Variants in MCTP1 observed in about 807,000 individuals in gnomAD.
MCTP1 encodes multiple C2 and transmembrane domain containing 1, also known as multiple C2 and transmembrane domain-containing protein 1.
A neutral mutation model predicts 120.6 loss-of-function variants in MCTP1; 69 were observed. The observed-to-expected ratio is 0.57, with a 90% CI of 0.47 to 0.70. The LOEUF (loss-of-function observed/expected upper bound fraction) is 0.70, where lower values mean the gene tolerates loss of function less well. Ranked by LOEUF, MCTP1 falls within the 30% of genes least tolerant of loss-of-function variation. The pLI, the probability that MCTP1 is intolerant of heterozygous loss-of-function variation, is 0.00. For synonymous variants in MCTP1, 529 were observed against 493.1 expected, an observed-to-expected ratio of 1.07 and a Z score of -0.96; for missense variants, 1,203 against 1,248.8, an observed-to-expected ratio of 0.96 and a Z score of 0.55.
At chr5:94,886,496 TA>T (rs1162582885) in intron 12 of MCTP1, among the ~76,000 whole-genome samples, 1 of 152,226 alleles carries the variant, frequency 6.6e-6, no homozygotes, top group African/African-American at 2.4e-5. Context: ...TGTTCAAATA[TA>T]GATTTGTCTC....
intron 1 of MCTP1, among the ~76,000 whole-genome samples, chr5:95,218,423 A>G (rs910754337): frequency 6.6e-5 from 10 of 152,142 alleles, no homozygotes; most frequent in Non-Finnish European, 1.5e-5. Flanking sequence ...CAATGTATGG[A>G]ATGCTTCAAC....
chr5:95,236,739 A>G (rs1188442541), intron 1 of MCTP1, among the ~76,000 whole-genome samples: 1 of 152,186 alleles, frequency 6.6e-6, no homozygotes, highest in African/African-American at 2.4e-5. Context: ...TCACAAAAAC[A>G]TTTATAAAAA....
intron 1 of MCTP1, among the ~76,000 whole-genome samples, chr5:95,138,649 C>T (rs1759647436): frequency 6.6e-6 from 1 of 152,200 alleles, no homozygotes; most frequent in Non-Finnish European, 1.5e-5. Flanking sequence ...CTCACAGAGA[C>T]CACCACTGAC....
intron 17 of MCTP1, among the ~76,000 whole-genome samples, chr5:94,866,153 A>G (rs752227355): frequency 6.6e-6 from 1 of 151,934 alleles, no homozygotes; most frequent in Non-Finnish European, 1.5e-5. Context: ...GCATCATTGA[A>G]GAATGAGTTT....
Position 94,842,748 on chromosome 5 carries a change from G to A in MCTP1, c.2436+25585C>T, listed in dbSNP as rs148565453. 2.6e-4 allele frequency among the ~76,000 whole-genome samples: 40 copies of A among 152,242 alleles called. No homozygotes were observed. The East Asian group carries it at 6.0e-3, about 23-fold the overall frequency. On this transcript the variant is annotated intron_variant, in intron 17 of 22. Coordinates refer to ENST00000515393, the MANE Select transcript of MCTP1 (RefSeq NM_024717.7). ...ATATCACAACTGAGTATATAAAGTG[G>A]TTTTAGCAACCTGCTTTTTATTACT...
At chr5:95,107,738 A>G (rs998208869) in intron 1 of MCTP1, among the ~76,000 whole-genome samples, 2 of 152,220 alleles carry the variant, frequency 1.3e-5, no homozygotes, top group Non-Finnish European at 2.9e-5. Context: ...TTGGCCATTC[A>G]TACTTCTGAA....
intron 1 of MCTP1, among the ~76,000 whole-genome samples, chr5:95,214,024 T>G (rs13154532): frequency 3.5e-5 from 5 of 141,476 alleles, no homozygotes; most frequent in African/African-American, 1.3e-4. Flanking sequence ...GGGATCTAAT[T>G]AAACTAAAGA....
intron 17 of MCTP1, among the ~76,000 whole-genome samples, chr5:94,861,236 C>T (rs759085731): frequency 4.6e-5 from 7 of 151,794 alleles, no homozygotes; most frequent in Non-Finnish European, 1.0e-4. Context: ...ATTCTCACTA[C>T]AATTTAAAAT....
At chr5:95,084,138 A>C (rs1292095844) in intron 1 of MCTP1, among the ~76,000 whole-genome samples, 1 of 152,202 alleles carries the variant, frequency 6.6e-6, no homozygotes, top group Non-Finnish European at 1.5e-5. Context: ...GGACAAAGAG[A>C]GATCAATGTT....
At chr5:95,273,279 A>ATAGAATAT (rs1265248495) in intron 1 of MCTP1, among the ~76,000 whole-genome samples, 1 of 152,260 alleles carries the variant, frequency 6.6e-6, no homozygotes, top group Non-Finnish European at 1.5e-5. Context: ...ACAGGAATGG[A>ATAGAATAT]TAGAATATCA....
chr5:95,018,560 ATTAG>A (rs971081750), intron 1 of MCTP1, among the ~76,000 whole-genome samples: 3 of 151,640 alleles, frequency 2.0e-5, no homozygotes, highest in African/African-American at 7.3e-5. Context: ...TGGAGCAATT[ATTAG>A]TTAAAACAAG....
At chr5:94,765,906 G>A (rs575910928) in intron 19 of MCTP1, among the ~76,000 whole-genome samples, 1 of 151,870 alleles carries the variant, frequency 6.6e-6, no homozygotes, top group South Asian at 2.1e-4. Context: ...AAATACAAAG[G>A]ATTATTAGAA....
At position 95,002,821 on chromosome 5, in the gene MCTP1, A is replaced by G. The variant is rs555729300; in HGVS notation, c.838+14546T>C. Among the ~76,000 whole-genome samples, 3 of 152,250 alleles carry G rather than the reference A, an allele frequency of 2.0e-5. No homozygotes were observed. In the South Asian group the frequency reaches 6.2e-4, roughly 32 times the overall value. On this transcript the variant is annotated intron_variant, in intron 2 of 22. Coordinates refer to ENST00000515393, the MANE Select transcript of MCTP1 (RefSeq NM_024717.7). Reference sequence around the variant, plus strand: ...GGGAGACTGTTGGAAGGGAATGATTATATTTTGAAATGTGAGGACATGAGA... The same window carrying G: ...GGGAGACTGTTGGAAGGGAATGATTGTATTTTGAAATGTGAGGACATGAGA...
intron 17 of MCTP1, among the ~76,000 whole-genome samples, chr5:94,862,400 A>G (rs943979325): frequency 3.3e-5 from 5 of 151,836 alleles, no homozygotes; most frequent in Non-Finnish European, 1.5e-5. Flanking sequence ...AAAATAAACA[A>G]AAAAGGGCAT....
chr5:94,952,340 C>A (rs1820846270), intron 3 of MCTP1, among the ~76,000 whole-genome samples: 1 of 152,130 alleles, frequency 6.6e-6, no homozygotes, highest in Non-Finnish European at 1.5e-5. Flanking sequence ...TTCTTATAAG[C>A]TACCCTCTTG....
chr5:95,061,693 C>T (rs1749279848), intron 1 of MCTP1, among the ~76,000 whole-genome samples: 1 of 151,888 alleles, frequency 6.6e-6, no homozygotes, highest in Non-Finnish European at 1.5e-5. Flanking sequence ...CCTCGGCCTC[C>T]CAAAGTGCTG....
chr5:95,165,111 T>C (rs1746174218), intron 1 of MCTP1, among the ~76,000 whole-genome samples: 1 of 152,178 alleles, frequency 6.6e-6, no homozygotes, highest in African/African-American at 2.4e-5. Context: ...CTGAGAAATT[T>C]AAACCCTTGC....
intron 1 of MCTP1, among the ~76,000 whole-genome samples, chr5:95,168,636 C>T (rs1746773200): frequency 6.6e-6 from 1 of 152,116 alleles, no homozygotes; most frequent in African/African-American, 2.4e-5. Flanking sequence ...AGGTGGATTC[C>T]TAGGTATTTT....
chr5:94,863,318 G>A (rs775048441), intron 17 of MCTP1, among the ~76,000 whole-genome samples: 20 of 151,638 alleles, frequency 1.3e-4, no homozygotes, highest in African/African-American at 2.2e-4. Context: ...CATTTCTAAC[G>A]TTTCTGCTAG....
Sources: allele counts gnomAD v4.1 joint callset (sites outside exome capture counted in the v4.1 genomes callset), GRCh38; gene constraint gnomAD v4.1.1; transcripts MANE v1.5; gene names NCBI Gene and HGNC (gene_info 2026-07-23, HGNC 2026-07-21).